Variants in PTPRD observed in about 807,000 individuals in gnomAD.
The protein encoded by PTPRD is protein tyrosine phosphatase receptor type D, also known as receptor-type tyrosine-protein phosphatase delta.
In PTPRD, 34 loss-of-function variants were observed where a neutral mutation model predicts 214.5. The ratio of observed to expected loss-of-function variants is 0.16; its 90% CI spans 0.12 to 0.21. The LOEUF is 0.21. PTPRD is among the 10% of genes least tolerant of loss of function. The pLI, the probability that PTPRD is intolerant of heterozygous loss-of-function variation, is 1.00. For synonymous variants in PTPRD, 1,128 were observed against 845.7 expected (o/e 1.33, Z -5.79); for missense variants, 2,545 against 2,398.7 (o/e 1.06, Z -1.27).
intron 3 of PTPRD, among the ~76,000 whole-genome samples, chr9:10,155,126 C>A (rs912148237): frequency 2.0e-5 from 3 of 151,988 alleles, no homozygotes; most frequent in African/African-American, 7.2e-5. Flanking sequence ...TTTCTTTGAG[C>A]AGTGTTTTAT....
chr9:9,669,154 C>T (rs1458117225), intron 7 of PTPRD, among the ~76,000 whole-genome samples: 2 of 151,864 alleles, frequency 1.3e-5, no homozygotes, highest in African/African-American at 4.8e-5. Context: ...TGGGTATATA[C>T]CCAAAGGATT....
At chr9:9,616,722 T>G (rs2094890638) in intron 7 of PTPRD, among the ~76,000 whole-genome samples, 1 of 152,106 alleles carries the variant, frequency 6.6e-6, no homozygotes, top group Non-Finnish European at 1.5e-5. Context: ...TCACGAATTA[T>G]CCACCCCTTG....
At chr9:10,337,500 C>T (rs968827067) in intron 3 of PTPRD, among the ~76,000 whole-genome samples, 1 of 151,668 alleles carries the variant, frequency 6.6e-6, no homozygotes, top group Non-Finnish European at 1.5e-5. Flanking sequence ...AAATGCATAA[C>T]ATTTTAACAT....
chr9:8,434,956 C>T (rs546089879), intron 35 of PTPRD, among the ~76,000 whole-genome samples: 4 of 152,272 alleles, frequency 2.6e-5, no homozygotes, highest in South Asian at 2.1e-4. Flanking sequence ...AAGAAGACAA[C>T]GTGCAATCCG....
rs114886187 is a variant in PTPRD at position 10,394,681 on chromosome 9, C to G, written c.-599-53664G>C. ...GATTAATAACCTTCATAAAAATAGC[C>G]TTTTGTGACATCTGGGGCACAATTT... is the stretch of plus-strand genomic sequence containing the variant. On this transcript the variant is annotated intron_variant, in intron 2 of 45. Coordinates refer to ENST00000381196, the MANE Select transcript of PTPRD (RefSeq NM_002839.4). Among the ~76,000 whole-genome samples the G allele has an allele frequency of 9.3e-3, 1,419 of 151,920 alleles. 17 individuals are homozygous for G. The highest frequency in any genetic ancestry group is 0.033 in the African/African-American group (1,366 of 41,508).
intron 2 of PTPRD, among the ~76,000 whole-genome samples, chr9:10,344,688 G>A (rs1483567209): frequency 1.3e-5 from 2 of 151,982 alleles, no homozygotes; most frequent in Admixed American, 6.6e-5. Context: ...CCATTTGTTT[G>A]TGCCCTCTTT....
intron 8 of PTPRD, among the ~76,000 whole-genome samples, chr9:9,464,036 G>T (rs1047217610): frequency 2.6e-5 from 4 of 152,036 alleles, no homozygotes. Context: ...CTCAAACATG[G>T]TTACATTTAT....
In PTPRD at chr9:10,022,940, T is replaced by A. The variant is rs1289208445; in HGVS notation, c.-472+10778A>T. Among the ~76,000 whole-genome samples, 6 of 152,206 alleles carry A rather than the reference T, an allele frequency of 3.9e-5. 1 individual carries two copies. In the South Asian group the frequency reaches 8.3e-4, roughly 21 times the overall value. On this transcript the variant is annotated intron_variant, in intron 4 of 45. Transcript: ENST00000381196. ...CAGTATTTTTATGCTTCCAGAAACATCTTATACTGGCTTTATATAAAGCTG... is the reference window on the plus strand; with the variant it reads ...CAGTATTTTTATGCTTCCAGAAACAACTTATACTGGCTTTATATAAAGCTG...
chr9:9,404,652 T>G lies in PTPRD; in HGVS notation c.-236-7170A>C, dbSNP rs945733324. Among the ~76,000 whole-genome samples, 5 of 152,044 alleles carry G rather than the reference T, an allele frequency of 3.3e-5. No individual in the cohort carries two copies. The East Asian group carries it at 9.7e-4, about 29-fold the overall frequency. Reference sequence around the variant, plus strand: ...CATATATTAGATACATGAGTACAAGTGTCAAGTAGGAAGTTGGATGCGGAA... The same window carrying G: ...CATATATTAGATACATGAGTACAAGGGTCAAGTAGGAAGTTGGATGCGGAA... On this transcript the variant is annotated intron_variant, in intron 8 of 45. Transcript: ENST00000381196.
intron 14 of PTPRD, among the ~76,000 whole-genome samples, chr9:8,592,855 A>G (rs1266462056): frequency 1.3e-5 from 2 of 152,260 alleles, no homozygotes; most frequent in Admixed American, 1.3e-4. Flanking sequence ...TTACTGAACG[A>G]AGTCAAAGAC....
In PTPRD at chr9:10,475,523, A is replaced by T. The variant is rs576711262; in HGVS notation, c.-599-134506T>A. 1.2e-4 allele frequency among the ~76,000 whole-genome samples: 18 copies of T among 152,252 alleles called. No homozygotes were observed. The South Asian group carries it at 3.5e-3, about 30-fold the overall frequency. Reference sequence around the variant, plus strand: ...ACCAACCAAAAAAAAGCCCAGGACCAGATGGATTCACAGCCGAATTCTACC... The same window carrying T: ...ACCAACCAAAAAAAAGCCCAGGACCTGATGGATTCACAGCCGAATTCTACC... On this transcript the variant is annotated intron_variant, in intron 2 of 45. Coordinates refer to ENST00000381196, the MANE Select transcript of PTPRD (RefSeq NM_002839.4).
At chr9:9,676,877 T>C (rs1437068195) in intron 7 of PTPRD, among the ~76,000 whole-genome samples, 1 of 152,200 alleles carries the variant, frequency 6.6e-6, no homozygotes, top group Admixed American at 6.5e-5. Flanking sequence ...TGATGGCCAG[T>C]GATGATGAGC....
chr9:9,850,418 T>C (rs2060330760), intron 5 of PTPRD, among the ~76,000 whole-genome samples: 1 of 152,132 alleles, frequency 6.6e-6, no homozygotes, highest in East Asian at 1.9e-4. Context: ...ACTGATTGGA[T>C]AGATGACTGA....
At chr9:10,574,385 A>G (rs956334512) in intron 2 of PTPRD, among the ~76,000 whole-genome samples, 7 of 152,160 alleles carry the variant, frequency 4.6e-5, no homozygotes, top group African/African-American at 1.7e-4. Context: ...CAGGAAATGA[A>G]GCAGCATAGT....
chr9:8,894,059 A>G (rs2098574612), intron 11 of PTPRD, among the ~76,000 whole-genome samples: 1 of 152,128 alleles, frequency 6.6e-6, no homozygotes, highest in African/African-American at 2.4e-5. Flanking sequence ...CAGCAATAAG[A>G]ATAACCAATC....
chr9:9,919,274 C>T (rs1333726085), intron 5 of PTPRD, among the ~76,000 whole-genome samples: 2 of 152,118 alleles, frequency 1.3e-5, no homozygotes, highest in African/African-American at 4.8e-5. Context: ...ACCTTGACCT[C>T]CAGTCATCTC....
In PTPRD at chr9:9,723,820, G is replaced by A. The variant is rs142985617; in HGVS notation, c.-287+10713C>T. On this transcript the variant is annotated intron_variant, in intron 7 of 45. Transcript: ENST00000381196. ...TTTTCATATTTGGGCTGTTCATTAC[G>A]AATGTATAGAAATATCATTGGTTTG... Among the ~76,000 whole-genome samples the A allele has an allele frequency of 1.7e-3, 259 of 152,086 alleles. 1 individual carries two copies. The highest frequency in any genetic ancestry group is 5.7e-3 in the African/African-American group (238 of 41,512).
intron 2 of PTPRD, among the ~76,000 whole-genome samples, chr9:10,463,124 T>C (rs1178481990): frequency 6.6e-6 from 1 of 151,962 alleles, no homozygotes; most frequent in African/African-American, 2.4e-5. Context: ...GAGTTGAAAA[T>C]GGGTTCAGTT....
chr9:8,518,981 C>T (rs2097841267), intron 20 of PTPRD, among the ~76,000 whole-genome samples: 1 of 151,978 alleles, frequency 6.6e-6, no homozygotes, highest in South Asian at 2.1e-4. Context: ...TTGAAAAGAA[C>T]AAAATGTGGA....
Sources: allele counts gnomAD v4.1 joint callset (sites outside exome capture counted in the v4.1 genomes callset), GRCh38; gene constraint gnomAD v4.1.1; transcripts MANE v1.5; gene names NCBI Gene and HGNC (gene_info 2026-07-23, HGNC 2026-07-21).